The following BEST3 variants were observed in gnomAD, a reference collection of about 807,000 sequenced individuals.
BEST3 encodes the protein bestrophin 3, also known as bestrophin-3.
Under a neutral mutation model 47.1 loss-of-function variants are expected in BEST3, and 50 were observed. That is an observed-to-expected ratio of 1.06 (90% CI 0.85 to 1.34). BEST3 has a LOEUF of 1.34. Among genes scored for constraint, BEST3 ranks in the 40% most tolerant of loss-of-function variants. The pLI, the probability that BEST3 is intolerant of heterozygous loss-of-function variation, is 0.00. For synonymous variants in BEST3, 282 were observed against 298.8 expected (o/e 0.94, Z 0.58); for missense variants, 765 against 817.0 (o/e 0.94, Z 0.78).
At chr12:69,681,915 T>C (rs532304382) in intron 4 of BEST3, among the ~76,000 whole-genome samples, 5 of 152,174 alleles carry the variant, frequency 3.3e-5, no homozygotes, top group African/African-American at 9.6e-5. Context: ...ACCCAGTCTC[T>C]ACTAAAATTA....
chr12:69,678,640 G>T, intron 5 of BEST3, 99 bp downstream of exon 5: 1 of 1,166,444 alleles, frequency 8.6e-7, no homozygotes, highest in Non-Finnish European at 1.2e-6. Context: ...CTGGAACCAG[G>T]ACTGAACAAA....
Position 69,672,886 on chromosome 12 carries a change from T to G in BEST3, c.947A>C (p.Gln316Pro). 1 of 1,606,286 alleles carries G rather than the reference T, an allele frequency of 6.2e-7. No homozygotes were observed. The highest frequency in any genetic ancestry group is 8.5e-7 in the Non-Finnish European group (1 of 1,176,340). Reference protein sequence around the residue: ...ETNWCIDRNLQVSLLAVDEMH... With the variant: ...ETNWCIDRNLPVSLLAVDEMH... ...AAAAGAAAGAAAAATTCCTCTAACCTGCAAATTTCTGTCAATGCACCAGTT... is the reference window on the plus strand; with the variant it reads ...AAAAGAAAGAAAAATTCCTCTAACCGGCAAATTTCTGTCAATGCACCAGTT... Residue 316 changes from glutamine to proline, a missense_variant and splice_region_variant, in exon 8 of 10, where the codon CAG becomes CCG. Gln to Pro is a moderately conservative substitution (Grantham distance 76, BLOSUM62 -1). Coordinates refer to ENST00000330891, the MANE Select transcript of BEST3 (RefSeq NM_032735.3).
intron 4 of BEST3, among the ~76,000 whole-genome samples, chr12:69,690,456 G>A (rs1447024758): frequency 6.6e-6 from 1 of 152,168 alleles, no homozygotes; most frequent in Non-Finnish European, 1.5e-5. Flanking sequence ...TTGCCCCTCA[G>A]ACCTGAGCAC....
intron 4 of BEST3, among the ~76,000 whole-genome samples, chr12:69,682,764 A>G (rs1288403062): frequency 6.6e-6 from 1 of 151,960 alleles, no homozygotes; most frequent in Non-Finnish European, 1.5e-5. Context: ...TTTTGTAGAG[A>G]CTGGGTTTCA....
downstream of BEST3, among the ~76,000 whole-genome samples, chr12:69,651,302 G>A (rs956676477): frequency 1.3e-5 from 2 of 152,208 alleles, no homozygotes; most frequent in African/African-American, 4.8e-5. Context: ...AGTGAAATGA[G>A]CCAGAAAAGA....
chr12:69,678,004 C>A (rs567519760), intron 5 of BEST3, among the ~76,000 whole-genome samples: 2 of 152,220 alleles, frequency 1.3e-5, no homozygotes, highest in South Asian at 4.2e-4. Context: ...TATAATTACT[C>A]CTGTTTCCTC....
At chr12:69,644,420 A>G (rs531532663) in intron 9 of BEST3, among the ~76,000 whole-genome samples, 1 of 152,338 alleles carries the variant, frequency 6.6e-6, no homozygotes, top group African/African-American at 2.4e-5. Context: ...TTTTAGAAGG[A>G]AAAGTTTATT....
chr12:69,674,905 TTTTTTTTTG>T (rs949612153), intron 7 of BEST3, among the ~76,000 whole-genome samples: 3 of 145,984 alleles, frequency 2.1e-5, no homozygotes, highest in African/African-American at 8.0e-5. Context: ...TTTTTTTTTT[TTTTTTTTTG>T]GAGACAGAGT....
intron 4 of BEST3, among the ~76,000 whole-genome samples, chr12:69,679,912 TGC>T (rs1435149890): frequency 2.5e-5 from 2 of 79,552 alleles, no homozygotes; most frequent in African/African-American, 4.5e-5. Context: ...TGTGTATGCA[TGC>T]GTGTGTGTGT....
At chr12:69,665,468 C>G (rs1884139930) in intron 9 of BEST3, among the ~76,000 whole-genome samples, 1 of 152,208 alleles carries the variant, frequency 6.6e-6, no homozygotes, top group South Asian at 2.1e-4. Flanking sequence ...TGGTGCACGC[C>G]TGTAATCCCA....
chr12:69,684,627 T>C, intron 4 of BEST3: 1 of 654,594 alleles, frequency 1.5e-6, no homozygotes, highest in Non-Finnish European at 3.0e-6. Context: ...GAGAGTTGTG[T>C]ATTCAGCATC....
intron 9 of BEST3, among the ~76,000 whole-genome samples, chr12:69,647,132 G>T (rs1883063644): frequency 6.6e-6 from 1 of 152,158 alleles, no homozygotes; most frequent in African/African-American, 2.4e-5. Context: ...AGTGATGCTG[G>T]CCATTTGGTG....
chr12:69,656,463 C>G (rs1883505079), intron 9 of BEST3, among the ~76,000 whole-genome samples: 1 of 151,782 alleles, frequency 6.6e-6, no homozygotes, highest in South Asian at 2.1e-4. Context: ...TTCCCAAGGA[C>G]CCATAAAACC....
Position 69,671,515 on chromosome 12 carries a change from C to T in BEST3, c.1013G>A (p.Trp338Ter), listed in dbSNP as rs1021302958. The T allele has an allele frequency of 8.7e-6, 14 of 1,613,842 alleles. No homozygotes were observed. Among genetic ancestry groups the T allele is most frequent in the African/African-American group, 1.3e-5 (1 of 74,888 alleles). The change falls in exon 9 of 10, where the codon TGG becomes TAG. Residue 338 changes from tryptophan to a stop codon, truncating the protein, a stop_gained. Coordinates refer to ENST00000330891, the MANE Select transcript of BEST3 (RefSeq NM_032735.3). LOFTEE classifies it high-confidence loss of function. ...SLPKMKKDIY[W>*]DDSAARPPYT... ...TGGTGGGCGAGCAGCAGAATCGTCC[C>T]AGTAAATGTCCTTCTTCATCTTGGG...
intron 9 of BEST3, among the ~76,000 whole-genome samples, chr12:69,659,847 C>T (rs1336082642): frequency 1.3e-5 from 2 of 151,918 alleles, no homozygotes; most frequent in African/African-American, 4.8e-5. Flanking sequence ...AATAAAAGTA[C>T]CCTCATTATA....
At chr12:69,669,651 C>G (rs1357823027) in intron 9 of BEST3, 2 of 152,142 alleles carry the variant, frequency 1.3e-5, no homozygotes, top group Non-Finnish European at 2.9e-5. Context: ...TCATCATGCT[C>G]TATGATTTTA....
At chr12:69,677,377 A>G (rs1201254178) in intron 5 of BEST3, 120 bp from the exon 6 acceptor site, 1 of 840,022 alleles carries the variant, frequency 1.2e-6, no homozygotes. Context: ...TAGTAAACTG[A>G]TTCCCAAGGA....
intron 4 of BEST3, chr12:69,683,378 A>C (rs1885365765): frequency 6.6e-6 from 1 of 152,262 alleles, no homozygotes; most frequent in Non-Finnish European, 1.5e-5. Context: ...CACACATCTT[A>C]CTTATCCAAA....
intron 9 of BEST3, among the ~76,000 whole-genome samples, chr12:69,656,353 C>T (rs1202701963): frequency 1.4e-5 from 2 of 138,280 alleles, no homozygotes; most frequent in African/African-American, 2.7e-5. Context: ...ATCTATATAT[C>T]TATATCTATG....
Sources: allele counts gnomAD v4.1 joint callset (sites outside exome capture counted in the v4.1 genomes callset), GRCh38; gene constraint gnomAD v4.1.1; transcripts MANE v1.5; gene names NCBI Gene and HGNC (gene_info 2026-07-23, HGNC 2026-07-21).